Variants in SPATA17 observed in about 807,000 individuals in gnomAD.
SPATA17 encodes spermatogenesis associated 17, also known as spermatogenesis-associated protein 17.
A neutral mutation model predicts 62.2 loss-of-function variants in SPATA17; 53 were observed. The observed-to-expected ratio is 0.85, with a 90% confidence interval of 0.68 to 1.07. The LOEUF is 1.07. Ranked by LOEUF, SPATA17 falls within the 50% of genes least tolerant of loss-of-function variation. SPATA17 has a pLI of 0.00. For synonymous variants in SPATA17, 146 were observed against 146.8 expected (o/e 0.99, Z 0.04); for missense variants, 466 against 425.5 (o/e 1.10, Z -0.84).
At chr1:217,821,931 T>C (rs1674874158) in intron 9 of SPATA17, among the ~76,000 whole-genome samples, 1 of 151,866 alleles carries the variant, frequency 6.6e-6, no homozygotes, top group African/African-American at 2.4e-5. Context: ...CTACAAGGGG[T>C]GATTTTGTGA....
intron 5 of SPATA17, among the ~76,000 whole-genome samples, chr1:217,732,133 TC>T (rs570809001): frequency 2.0e-3 from 289 of 146,412 alleles, no homozygotes; most frequent in African/African-American, 7.0e-3. Flanking sequence ...TGTAATAGTT[TC>T]TTATCCAACA....
chr1:217,853,884 T>A, intron 9 of SPATA17, among the ~76,000 whole-genome samples: 1 of 152,162 alleles, frequency 6.6e-6, no homozygotes, highest in South Asian at 2.1e-4. Flanking sequence ...CTAGGCAGAA[T>A]TTCAGCAGTA....
chr1:217,709,491 A>G (rs1210252309), intron 5 of SPATA17, among the ~76,000 whole-genome samples: 10 of 152,122 alleles, frequency 6.6e-5, no homozygotes, highest in Admixed American at 6.5e-4. Flanking sequence ...GCAGCTTACA[A>G]CATGAAAATT....
chr1:217,660,796 T>C (rs1029808667), intron 3 of SPATA17, among the ~76,000 whole-genome samples: 2 of 152,216 alleles, frequency 1.3e-5, no homozygotes, highest in Non-Finnish European at 2.9e-5. Flanking sequence ...AATAAACTTT[T>C]GTTGTTTTGC....
At chr1:217,808,242 A>G (rs1487381695) in intron 9 of SPATA17, among the ~76,000 whole-genome samples, 1 of 152,160 alleles carries the variant, frequency 6.6e-6, no homozygotes, top group Non-Finnish European at 1.5e-5. Flanking sequence ...GGAAAGGCAA[A>G]GAGAAGGGCA....
intron 8 of SPATA17, among the ~76,000 whole-genome samples, chr1:217,791,236 CG>C (rs1223318071): frequency 5.3e-5 from 8 of 152,180 alleles, no homozygotes; most frequent in Admixed American, 5.2e-4. Flanking sequence ...ATTATACATG[CG>C]GGTGCTCTAG....
rs771843273 is a variant in SPATA17 at position 217,782,201 on chromosome 1, T to C, written c.751T>C (p.Leu251=). Residue 251 remains leucine (L), a synonymous_variant, in exon 8 of 11, where the codon TTA becomes CTA. Transcript: ENST00000366933. ...QGPFRDITEV[L]EQRYRPLEPT... is the part of the protein sequence containing the mutation. Reference sequence around the variant, plus strand: ...GCCCTTCCGAGATATCACCGAAGTATTAGAACAACGCTACAGGCCTTTGGA... The same window carrying C: ...GCCCTTCCGAGATATCACCGAAGTACTAGAACAACGCTACAGGCCTTTGGA... 4 of 1,606,258 alleles carry C rather than the reference T, an allele frequency of 2.5e-6. No homozygotes were observed. The Admixed American group carries it at 6.9e-5, about 28-fold the overall frequency.
chr1:217,706,717 C>G (rs943963743), intron 5 of SPATA17, among the ~76,000 whole-genome samples: 2 of 152,174 alleles, frequency 1.3e-5, no homozygotes, highest in Admixed American at 6.5e-5. Flanking sequence ...GACTAATACA[C>G]TATCCGTGAG....
chr1:217,658,368 C>T (rs1670487075), intron 3 of SPATA17, among the ~76,000 whole-genome samples: 1 of 152,200 alleles, frequency 6.6e-6, no homozygotes, highest in African/African-American at 2.4e-5. Context: ...CCTTTACCTT[C>T]CACCATGAGT....
At chr1:217,748,058 C>T (rs1000523261) in intron 6 of SPATA17, among the ~76,000 whole-genome samples, 1 of 151,900 alleles carries the variant, frequency 6.6e-6, no homozygotes, top group African/African-American at 2.4e-5. Context: ...AATTCCAGCA[C>T]TTTGGGAGGC....
intron 9 of SPATA17, among the ~76,000 whole-genome samples, chr1:217,840,792 A>T (rs576399097): frequency 6.6e-6 from 1 of 152,046 alleles, no homozygotes; most frequent in South Asian, 2.1e-4. Flanking sequence ...CCAGAAGGTT[A>T]AGGCTTCAGT....
chr1:217,861,934 G>A (rs534029820), intron 9 of SPATA17, among the ~76,000 whole-genome samples: 68 of 152,188 alleles, frequency 4.5e-4, no homozygotes, highest in African/African-American at 1.4e-3. Context: ...AGTGGAGACC[G>A]TGATCTCTAG....
intron 5 of SPATA17, among the ~76,000 whole-genome samples, chr1:217,737,454 T>C (rs985324192): frequency 6.6e-6 from 1 of 152,122 alleles, no homozygotes; most frequent in African/African-American, 2.4e-5. Flanking sequence ...GAGCAACATC[T>C]TTAAGGGAAG....
intron 3 of SPATA17, among the ~76,000 whole-genome samples, chr1:217,661,421 C>A (rs1334376107): frequency 6.6e-6 from 1 of 151,848 alleles, no homozygotes; most frequent in African/African-American, 2.4e-5. Flanking sequence ...TCTCCTATAC[C>A]CAAATATTTA....
At chr1:217,653,086 C>T (rs1210734151) in intron 3 of SPATA17, among the ~76,000 whole-genome samples, 1 of 152,080 alleles carries the variant, frequency 6.6e-6, no homozygotes, top group Non-Finnish European at 1.5e-5. Context: ...CAGATTAGCT[C>T]CATTTTACAT....
intron 6 of SPATA17, among the ~76,000 whole-genome samples, chr1:217,764,737 G>C (rs548058024): frequency 6.8e-4 from 104 of 152,220 alleles, no homozygotes; most frequent in Non-Finnish European, 1.4e-3. Flanking sequence ...GCATTTGGTG[G>C]TATCCAGTGT....
At chr1:217,759,115 C>T (rs1002634992) in intron 6 of SPATA17, among the ~76,000 whole-genome samples, 2 of 152,096 alleles carry the variant, frequency 1.3e-5, no homozygotes, top group African/African-American at 4.8e-5. Flanking sequence ...ACCAGCAAGT[C>T]AGTTTATGAT....
At chr1:217,849,342 G>T (rs1571842273) in intron 9 of SPATA17, among the ~76,000 whole-genome samples, 1 of 152,018 alleles carries the variant, frequency 6.6e-6, no homozygotes, top group Admixed American at 6.6e-5. Flanking sequence ...CAACAAAATA[G>T]CACTAATTTG....
chr1:217,742,161 A>G, intron 6 of SPATA17, 63 bp downstream of exon 6: 1 of 1,581,878 alleles, frequency 6.3e-7, no homozygotes, highest in Non-Finnish European at 8.6e-7. Context: ...GACAAAGATA[A>G]ACTAGCAGGC....
Sources: allele counts gnomAD v4.1 joint callset (sites outside exome capture counted in the v4.1 genomes callset), GRCh38; gene constraint gnomAD v4.1.1; transcripts MANE v1.5; gene names NCBI Gene and HGNC (gene_info 2026-07-23, HGNC 2026-07-21).